The following ABCB9 variants were observed in gnomAD, a reference collection of about 807,000 sequenced individuals.
ABCB9 encodes the protein ATP binding cassette subfamily B member 9, also known as ABC-type oligopeptide transporter ABCB9.
In ABCB9, 36 loss-of-function variants were observed where a neutral mutation model predicts 62.0. The observed-to-expected ratio is 0.58, with a 90% CI of 0.45 to 0.77. The LOEUF (loss-of-function observed/expected upper bound fraction) is 0.77. Among genes scored for constraint, ABCB9 ranks in the 30% least tolerant of loss-of-function variants. The pLI is 0.00. For synonymous variants in ABCB9, 435 were observed against 461.4 expected (o/e 0.94, Z 0.73); for missense variants, 943 against 1,054.7 (o/e 0.89, Z 1.47).
At chr12:122,936,221 G>T (rs1402062707) in intron 9 of ABCB9, among the ~76,000 whole-genome samples, 2 of 152,048 alleles carry the variant, frequency 1.3e-5, no homozygotes, top group Non-Finnish European at 2.9e-5. Context: ...TACACAGCAT[G>T]ATTCTATTTT....
chr12:122,974,174 C>T (rs896461210), intron 1 of ABCB9, among the ~76,000 whole-genome samples: 4 of 152,218 alleles, frequency 2.6e-5, no homozygotes, highest in Admixed American at 6.5e-5. Flanking sequence ...GGGGAGCCGA[C>T]CTGCCCTGGG....
At chr12:122,942,598 G>A (rs911057684) in intron 7 of ABCB9, among the ~76,000 whole-genome samples, 10 of 133,532 alleles carry the variant, frequency 7.5e-5, no homozygotes, top group Admixed American at 6.0e-4. Flanking sequence ...CAGCCTGGGC[G>A]ACAGAGCAAG....
upstream of ABCB9, among the ~76,000 whole-genome samples, chr12:122,969,099 G>A (rs2037241288): frequency 2.0e-5 from 3 of 151,860 alleles, no homozygotes; most frequent in Admixed American, 1.3e-4. Flanking sequence ...TGTCAGCCTT[G>A]TGACAAGGGG....
chr12:122,971,623 C>T (rs1006807042), intron 1 of ABCB9, among the ~76,000 whole-genome samples: 5 of 151,826 alleles, frequency 3.3e-5, no homozygotes, highest in African/African-American at 7.3e-5. Context: ...AGCTAATTTT[C>T]GTATTTTTCA....
In ABCB9 at chr12:122,929,129, G is replaced by C; in HGVS notation, c.*782C>G. On this transcript the variant is annotated 3_prime_UTR_variant, in exon 12 of 12. Transcript: ENST00000280560. This position sits in a 1 kb window ranked among gnomAD's most constrained non-coding sequence, Gnocchi z 6.0. Reference sequence around the variant, plus strand: ...GAATGCATCTCATGAACATCCACGTGGCCTCCAGACAGCAGAGCACAGGGG... The same window carrying C: ...GAATGCATCTCATGAACATCCACGTCGCCTCCAGACAGCAGAGCACAGGGG... 8 of 985,916 alleles carry C rather than the reference G, an allele frequency of 8.1e-6. No homozygotes were observed. Among genetic ancestry groups the C allele is most frequent in the Non-Finnish European group, 9.6e-6 (8 of 830,000 alleles). The allele number at this position is 985,916 out of a possible 1,614,324, so 61.1% of individuals were successfully genotyped here. A position where few individuals can be genotyped will look rare whatever the true frequency, so the allele number is the denominator to read the frequency against.
intron 4 of ABCB9, 45 bp downstream of exon 4, chr12:122,949,743 G>A: frequency 2.5e-6 from 4 of 1,609,890 alleles, no homozygotes; most frequent in Non-Finnish European, 2.5e-6. Flanking sequence ...GCCCACAGGG[G>A]TGGGGCCCAG....
exon 1 of ABCB9, chr12:122,975,017 A>G (rs920773522): frequency 2.4e-6 from 1 of 421,462 alleles, no homozygotes; most frequent in South Asian, 4.7e-5. Context: ...AAGTGGAGCC[A>G]TTAGTCCCTG....
chr12:122,939,293 C>T (rs966859717), intron 9 of ABCB9, among the ~76,000 whole-genome samples: 1 of 152,210 alleles, frequency 6.6e-6, no homozygotes, highest in Non-Finnish European at 1.5e-5. Flanking sequence ...CCAGCCTCAA[C>T]CTGGATGACT....
At chr12:122,936,207 C>A (rs1349090520) in intron 9 of ABCB9, among the ~76,000 whole-genome samples, 1 of 152,086 alleles carries the variant, frequency 6.6e-6, no homozygotes, top group Non-Finnish European at 1.5e-5. Flanking sequence ...GTAATAGATA[C>A]ATATACACAG....
chr12:122,932,067 G>A lies in ABCB9; in HGVS notation c.2040+125C>T, dbSNP rs1186077547. ...CAACACCAGGAATTCACCAGCCCAG[G>A]AGGCTGATAGTCTGGGAGAGCTCCT... On this transcript the variant is annotated intron_variant, in intron 11 of 11. Coordinates refer to ENST00000280560, the MANE Select transcript of ABCB9 (RefSeq NM_019625.4). This position sits in a 1 kb window ranked among gnomAD's most constrained non-coding sequence, Gnocchi z 4.7. The A allele has an allele frequency of 6.7e-7, 1 of 1,490,698 alleles. No individual in the cohort carries two copies. The highest frequency in any genetic ancestry group is 9.1e-7 in the Non-Finnish European group (1 of 1,103,448). The allele number at this position is 1,490,698 out of a possible 1,614,324, so 92.3% of individuals were successfully genotyped here.
intron 1 of ABCB9, among the ~76,000 whole-genome samples, chr12:122,973,558 G>A (rs1202457593): frequency 3.1e-5 from 3 of 97,718 alleles, no homozygotes; most frequent in Non-Finnish European, 5.6e-5. Context: ...GCGACAGAGC[G>A]AGACTCCGTC....
chr12:122,935,874 C>A (rs778309172), intron 9 of ABCB9, among the ~76,000 whole-genome samples: 5 of 152,096 alleles, frequency 3.3e-5, no homozygotes, highest in Non-Finnish European at 5.9e-5. Flanking sequence ...AAGGAGCTAT[C>A]ATCTCTAGAT....
intron 7 of ABCB9, among the ~76,000 whole-genome samples, chr12:122,942,309 C>T (rs1041109756): frequency 2.0e-4 from 31 of 151,834 alleles, no homozygotes; most frequent in Non-Finnish European, 3.5e-4. Context: ...CAGAGCTGGC[C>T]GGGCACAGTG....
intron 3 of ABCB9, 48 bp downstream of exon 3, chr12:122,950,403 G>A: frequency 2.6e-6 from 4 of 1,529,814 alleles, no homozygotes; most frequent in Non-Finnish European, 3.6e-6. Context: ...TCCCTCCCTG[G>A]TGCAGGTCGG....
In ABCB9 at chr12:122,960,171, G is replaced by A. The variant is rs754984376; in HGVS notation, c.65C>T (p.Thr22Met). Residue 22 changes from threonine (T) to methionine (M), a missense_variant, in exon 2 of 12, where the codon ACG becomes ATG. Transcript: ENST00000280560. ...CAGGTGGCTGAAGACATAGATGGCC[G>A]TGGTCACGCAGATGTCCACACTCAT... ...AFMSVDICVT[T>M]AIYVFSHLDR... 1.7e-5 allele frequency: 27 copies of A among 1,613,516 alleles called. No homozygotes were observed. In the African/African-American group the frequency reaches 2.0e-4, roughly 12 times the overall value.
chr12:122,950,541 G>A lies in ABCB9; in HGVS notation c.626C>T (p.Thr209Met), dbSNP rs148104891. 41 of 1,612,644 alleles carry A rather than the reference G, an allele frequency of 2.5e-5. No individual in the cohort carries two copies. The highest frequency in any genetic ancestry group is 1.8e-4 in the East Asian group (8 of 44,878). Residue 209 changes from threonine to methionine, a missense_variant, in exon 3 of 12, where the codon ACG (threonine) becomes ATG (methionine). Physicochemically the swap from Thr to Met is moderately conservative, Grantham distance 81. Coordinates refer to ENST00000280560, the MANE Select transcript of ABCB9 (RefSeq NM_019625.4). ...GACGATGCCATCAATGGCGCGGCCCGTGTAGTAGGGCAGGAAGGTCTCTCC... is the reference window on the plus strand; with the variant it reads ...GACGATGCCATCAATGGCGCGGCCCATGTAGTAGGGCAGGAAGGTCTCTCC... ...ALGETFLPYY[T>M]GRAIDGIVIQ...
chr12:122,926,378 C>T (rs971510521), downstream of ABCB9, among the ~76,000 whole-genome samples: 1 of 151,716 alleles, frequency 6.6e-6, no homozygotes, highest in Non-Finnish European at 1.5e-5. Context: ...AACACTGTCT[C>T]TACTAAAAAC....
Position 122,947,083 on chromosome 12 carries a change from A to G in ABCB9, c.1054-861T>C, listed in dbSNP as rs898081282. 2.0e-5 allele frequency among the ~76,000 whole-genome samples: 3 copies of G among 152,196 alleles called. No individual in the cohort carries two copies. Among genetic ancestry groups the G allele is most frequent in the Non-Finnish European group, 4.4e-5 (3 of 68,040 alleles). ...CTGGCTACACACAACACATTCAGGC[A>G]TGGGGTGGAAAACCCAAACAGAGCC... On this transcript the variant is annotated intron_variant, in intron 5 of 11. Transcript: ENST00000280560. This position sits in a 1 kb window ranked among gnomAD's most constrained non-coding sequence, Gnocchi z 6.0.
rs1566159496 is a variant in ABCB9 at position 122,935,325 on chromosome 12, T to C, written c.1850A>G (p.Gln617Arg). The change falls in exon 10 of 12, where the codon CAG (glutamine) becomes CGG (arginine). Residue 617 changes from glutamine (Q) to arginine (R), a missense_variant. Transcript: ENST00000280560. Reference sequence around the variant, plus strand: ...GATGAAGCCGTGGGCATTGGCCTTCTGTGCGGCCTCCACCACCATCTCGAA... The same window carrying C: ...GATGAAGCCGTGGGCATTGGCCTTCCGTGCGGCCTCCACCACCATCTCGAA... ...VPFEMVVEAAQKANAHGFIME... is the reference protein window; with the variant it reads ...VPFEMVVEAARKANAHGFIME... 6.2e-7 allele frequency: 1 copy of C among 1,613,890 alleles called. No homozygotes were observed. Among genetic ancestry groups the C allele is most frequent in the Non-Finnish European group, 8.5e-7 (1 of 1,179,952 alleles).
Sources: allele counts gnomAD v4.1 joint callset (sites outside exome capture counted in the v4.1 genomes callset), GRCh38; gene constraint gnomAD v4.1.1; non-coding constraint Gnocchi (gnomAD v3.1); transcripts MANE v1.5; gene names NCBI Gene and HGNC (gene_info 2026-07-23, HGNC 2026-07-21).